PKN3: variants seen among roughly 807,000 people sequenced by gnomAD.
PKN3 encodes the protein serine/threonine-protein kinase N3.
PKN3 carries 91 observed loss-of-function variants against 113.1 expected under a neutral mutation model. The observed-to-expected ratio is 0.80, with a 90% CI of 0.68 to 0.96. PKN3 has a LOEUF of 0.96. Among genes scored for constraint, PKN3 ranks in the 40% least tolerant of loss-of-function variants. The pLI is 0.00. For synonymous variants in PKN3, 467 were observed against 499.0 expected (o/e 0.94, Z 0.85); for missense variants, 1,052 against 1,202.2 (o/e 0.88, Z 1.85).
Position 128,714,111 on chromosome 9 carries a change from T to A in PKN3, c.1302T>A (p.Ser434=), listed in dbSNP as rs1345297843. 6.2e-7 allele frequency: 1 copy of A among 1,614,084 alleles called. No homozygotes were observed. Among genetic ancestry groups the A allele is most frequent in the South Asian group, 1.1e-5 (1 of 91,082 alleles). Residue 434 remains serine, a synonymous_variant, in exon 10 of 22, where the codon TCT becomes TCA. Coordinates refer to ENST00000291906, the MANE Select transcript of PKN3 (RefSeq NM_013355.5). ...PRLQRQERIF[S]KRRGQDFLRA... ...TGCAGAGGCAGGAACGCATCTTCTC[T>A]AAACGCAGAGGTGTGGAGGGAATGG...
At position 128,716,851 on chromosome 9, in the gene PKN3, T is replaced by C; in HGVS notation, c.1913T>C (p.Val638Ala). 1 of 1,614,102 alleles carries C rather than the reference T, an allele frequency of 6.2e-7. No homozygotes were observed. The highest frequency in any genetic ancestry group is 8.5e-7 in the Non-Finnish European group (1 of 1,180,012). The change falls in exon 16 of 22, where the codon GTG (valine) becomes GCG (alanine). Residue 638 changes from valine to alanine, a missense_variant. Val to Ala is a moderately conservative substitution (Grantham distance 64). Coordinates refer to ENST00000291906, the MANE Select transcript of PKN3 (RefSeq NM_013355.5). ...CFQTSSHACFVTEFVPGGDLM... is the reference protein window; with the variant it reads ...CFQTSSHACFATEFVPGGDLM... ...CAGACCTCCAGCCATGCCTGCTTTG[T>C]GACTGAGTTTGTGCCTGGTGGTGAC... is the stretch of plus-strand genomic sequence containing the variant.
rs1208047616 is a variant in PKN3 at position 128,713,329 on chromosome 9, G to C, written c.1034G>C (p.Gly345Ala). Residue 345 changes from glycine to alanine, a missense_variant, in exon 8 of 22, where the codon GGC becomes GCC. Around this residue, in one of 2 missense-constraint regions of PKN3, gnomAD observed 719 missense variants for 759.4 expected, o/e 0.95. Coordinates refer to ENST00000291906, the MANE Select transcript of PKN3 (RefSeq NM_013355.5). ...KVDNRVVGQT[G>A]WGQVAEQSWD... Reference sequence around the variant, plus strand: ...GACAACCGTGTTGTGGGGCAGACGGGCTGGGGGCAGGTGGCCGAACAGTCC... The same window carrying C: ...GACAACCGTGTTGTGGGGCAGACGGCCTGGGGGCAGGTGGCCGAACAGTCC... The C allele has an allele frequency of 1.9e-6, 3 of 1,614,026 alleles. No homozygotes were observed. In the African/African-American group the frequency reaches 4.0e-5, roughly 22 times the overall value.
intron 11 of PKN3, 21 bp from the exon 12 acceptor site, chr9:128,714,539 CTG>C: frequency 1.0e-6 from 1 of 975,466 alleles, no homozygotes; most frequent in Non-Finnish European, 1.7e-6. Context: ...GTGCTGGGCA[CTG>C]TGTCTACTTT....
chr9:128,703,614 G>A (rs1861919542), intron 1 of PKN3: 1 of 985,314 alleles, frequency 1.0e-6, no homozygotes, highest in Admixed American at 6.1e-5. Flanking sequence ...CGAGTGGTTG[G>A]GAGGGGGGCA....
intron 1 of PKN3, chr9:128,704,184 C>A: frequency 3.1e-6 from 3 of 975,804 alleles, no homozygotes; most frequent in Non-Finnish European, 3.7e-6. Flanking sequence ...GGTTACCCGG[C>A]CTGAGGTCAC....
chr9:128,715,770 T>A lies in PKN3; in HGVS notation c.1808+310T>A, dbSNP rs1044017265. ...AACTCATGCATGTAACCCCAGCACT[T>A]TGGGAGGCCAAGGCAGGCGGATCAC... On this transcript the variant is annotated intron_variant, in intron 15 of 21. Transcript: ENST00000291906. The surrounding 1 kb of genome is among the most constrained non-coding windows in gnomAD (Gnocchi z 4.1). Among the ~76,000 whole-genome samples, 1 of 152,044 alleles carries A rather than the reference T, an allele frequency of 6.6e-6. No individual in the cohort carries two copies. Among genetic ancestry groups the A allele is most frequent in the African/African-American group, 2.4e-5 (1 of 41,386 alleles).
At position 128,703,987 on chromosome 9, in the gene PKN3, G is replaced by T. The variant is rs1861931549; in HGVS notation, c.24+1048G>T. 3.0e-6 allele frequency: 3 copies of T among 985,356 alleles called. No homozygotes were observed. In the South Asian group the frequency reaches 1.4e-4, roughly 46 times the overall value. 61.0% of individuals were successfully genotyped at this position (985,356 alleles called of 1,614,324 possible). Reference sequence around the variant, plus strand: ...TTTGGCTCTGGCCCTGTGGCCTAGGGCGGTCAGAGGATTTCCTGAGCCTCG... The same window carrying T: ...TTTGGCTCTGGCCCTGTGGCCTAGGTCGGTCAGAGGATTTCCTGAGCCTCG... On this transcript the variant is annotated intron_variant, in intron 1 of 21. Coordinates refer to ENST00000291906, the MANE Select transcript of PKN3 (RefSeq NM_013355.5).
chr9:128,713,233 AC>A, intron 7 of PKN3, 35 bp downstream of exon 7: 1 of 1,609,464 alleles, frequency 6.2e-7, no homozygotes, highest in South Asian at 1.1e-5. Flanking sequence ...GGAGCAGGAG[AC>A]CCCTGCTTCA....
chr9:128,713,253 C>T, intron 7 of PKN3, 25 bp from the exon 8 acceptor site: 5 of 1,612,916 alleles, frequency 3.1e-6, no homozygotes, highest in Non-Finnish European at 4.2e-6. Flanking sequence ...CAGGCCTGCC[C>T]TGAGTCCCGG....
rs962379133 is a variant in PKN3 at position 128,720,710 on chromosome 9, C to T, written c.*104C>T. ...GAGGTCCAGGCCTTGCTGGGTACTTCTGAGCCCTTGGGATTCAAAGTGGCA... is the reference window on the plus strand; with the variant it reads ...GAGGTCCAGGCCTTGCTGGGTACTTTTGAGCCCTTGGGATTCAAAGTGGCA... On this transcript the variant is annotated 3_prime_UTR_variant, in exon 22 of 22. Coordinates refer to ENST00000291906, the MANE Select transcript of PKN3 (RefSeq NM_013355.5). This position sits in a 1 kb window ranked among gnomAD's most constrained non-coding sequence, Gnocchi z 5.5. 1 of 1,018,354 alleles carries T rather than the reference C, an allele frequency of 9.8e-7. No individual in the cohort carries two copies. Among genetic ancestry groups the T allele is most frequent in the Admixed American group, 2.3e-5 (1 of 43,640 alleles). 63.1% of individuals were successfully genotyped at this position (1,018,354 alleles called of 1,614,324 possible).
At chr9:128,703,419 G>T in intron 1 of PKN3, 1 of 985,380 alleles carries the variant, frequency 1.0e-6, no homozygotes. Context: ...CACGAGGGGA[G>T]CGTAGATGAG....
At chr9:128,712,830 A>C (rs1862217979) in intron 6 of PKN3, among the ~76,000 whole-genome samples, 1 of 152,078 alleles carries the variant, frequency 6.6e-6, no homozygotes, top group Non-Finnish European at 1.5e-5. Context: ...TGGGGGGCTC[A>C]TGGTGCTTGG....
In PKN3 at chr9:128,714,080, C is replaced by T; in HGVS notation, c.1271C>T (p.Pro424Leu). The T allele has an allele frequency of 6.2e-7, 1 of 1,614,090 alleles. No individual in the cohort carries two copies. The highest frequency in any genetic ancestry group is 8.5e-7 in the Non-Finnish European group (1 of 1,179,990). Residue 424 changes from proline (P) to leucine (L), a missense_variant, in exon 10 of 22, where the codon CCC becomes CTC. By Grantham distance (98) the Pro-to-Leu change is moderately conservative (BLOSUM62 -3). Coordinates refer to ENST00000291906, the MANE Select transcript of PKN3 (RefSeq NM_013355.5). ...TFCDPVIERR[P>L]RLQRQERIFS... ...TGCGATCCTGTCATTGAGAGGCGGC[C>T]CCGGCTGCAGAGGCAGGAACGCATC...
intron 1 of PKN3, chr9:128,704,179 C>A: frequency 2.0e-6 from 2 of 982,994 alleles, no homozygotes; most frequent in Non-Finnish European, 2.4e-6. Flanking sequence ...TCATGGGTTA[C>A]CCGGCCTGAG....
intron 6 of PKN3, among the ~76,000 whole-genome samples, chr9:128,712,107 G>T (rs985195575): frequency 4.0e-5 from 6 of 151,850 alleles, no homozygotes; most frequent in Non-Finnish European, 8.8e-5. Flanking sequence ...ATGGGGTTTC[G>T]CCATGTTGGT....
At chr9:128,714,934 C>A in intron 13 of PKN3, 69 bp downstream of exon 13, 1 of 1,431,248 alleles carries the variant, frequency 7.0e-7, no homozygotes, top group African/African-American at 1.4e-5. Flanking sequence ...TGTATCCATT[C>A]ATACATTACT....
At position 128,714,631 on chromosome 9, in the gene PKN3, C is replaced by T. The variant is rs1324742391; in HGVS notation, c.1551C>T (p.Tyr517=). 2.1e-6 allele frequency: 3 copies of T among 1,422,308 alleles called. No homozygotes were observed. The highest frequency in any genetic ancestry group is 3.0e-6 in the Non-Finnish European group (3 of 1,005,348). The allele number at this position is 1,422,308 out of a possible 1,614,324, so 88.1% of individuals were successfully genotyped here. A position where few individuals can be genotyped will look rare whatever the true frequency, so the allele number is the denominator to read the frequency against. ...CCCCACCCAAGCCCCCACGCCTCTA[C>T]CTCCCCCAGGAGCCAACATCCGAGG... ...MTPPPKPPRL[Y]LPQEPTSEET... The change falls in exon 12 of 22, where the codon TAC becomes TAT. Residue 517 remains tyrosine (Y), a synonymous_variant. Transcript: ENST00000291906.
At chr9:128,712,922 G>T (rs903242275) in intron 6 of PKN3, 130 bp from the exon 7 acceptor site, 2 of 927,530 alleles carry the variant, frequency 2.2e-6, no homozygotes. Flanking sequence ...AACTGCCCTG[G>T]CCTCAGGTGG....
At chr9:128,719,018 C>T (rs1453575731) in intron 18 of PKN3, among the ~76,000 whole-genome samples, 1 of 151,736 alleles carries the variant, frequency 6.6e-6, no homozygotes, top group African/African-American at 2.4e-5. Context: ...GCCTCAGCAG[C>T]CCAAGTAGCT....
Sources: allele counts gnomAD v4.1 joint callset (sites outside exome capture counted in the v4.1 genomes callset), GRCh38; gene constraint gnomAD v4.1.1; regional missense constraint gnomAD v4.1.1; non-coding constraint Gnocchi (gnomAD v3.1); transcripts MANE v1.5; gene names NCBI Gene and HGNC (gene_info 2026-07-23, HGNC 2026-07-21).